SLC66A2: variants seen among roughly 807,000 people sequenced by gnomAD.
SLC66A2 encodes the protein solute carrier family 66 member 2.
A neutral mutation model predicts 25.5 loss-of-function variants in SLC66A2; 23 were observed. The ratio of observed to expected loss-of-function variants is 0.90; its 90% CI spans 0.65 to 1.28. The LOEUF is 1.28. SLC66A2 is among the 50% of genes most tolerant of loss of function. The pLI, the probability that SLC66A2 is intolerant of heterozygous loss-of-function variation, is 0.00. For synonymous variants in SLC66A2, 193 were observed against 166.5 expected (o/e 1.16, Z -1.23); for missense variants, 396 against 373.1 (o/e 1.06, Z -0.51).
rs1407176103 is a variant in SLC66A2, at chr18:79,904,411, G to A, written c.609-228C>T. ...GACCCAGGGGTCAGGGACACCCCAG[G>A]GGGCCAAAGGACACACCCTGACCCC... On this transcript the variant is annotated intron_variant, in intron 5 of 5. Coordinates refer to ENST00000397778, the MANE Select transcript of SLC66A2 (RefSeq NM_025078.5). The surrounding 1 kb of genome is among the most constrained non-coding windows in gnomAD (Gnocchi z 6.3). Among the ~76,000 whole-genome samples the A allele has an allele frequency of 1.3e-5, 2 of 151,960 alleles. No homozygotes were observed. Among genetic ancestry groups the A allele is most frequent in the Non-Finnish European group, 2.9e-5 (2 of 67,920 alleles).
intron 5 of SLC66A2, among the ~76,000 whole-genome samples, chr18:79,905,589 C>T (rs1039425365): frequency 7.9e-5 from 12 of 152,276 alleles, no homozygotes; most frequent in Admixed American, 1.3e-4. Flanking sequence ...AGCAGGCGCC[C>T]GAGCATTGCG....
chr18:79,936,328 C>G (rs1265965811), intron 3 of SLC66A2, among the ~76,000 whole-genome samples: 1 of 152,184 alleles, frequency 6.6e-6, no homozygotes, highest in Non-Finnish European at 1.5e-5. Flanking sequence ...TCTCAATAAA[C>G]CCCTGAAAAT....
At position 79,918,429 on chromosome 18, in the gene SLC66A2, GTCCCCAGTGAGGAGCGGGCACCGGGGA is replaced by G. The variant is rs1332394997; in HGVS notation, c.608+728_608+754del. Among the ~76,000 whole-genome samples, 3 of 147,866 alleles carry G rather than the reference GTCCCCAGTGAGGAGCGGGCACCGGGGA, an allele frequency of 2.0e-5. No individual in the cohort carries two copies. The highest frequency in any genetic ancestry group is 3.0e-5 in the Non-Finnish European group (2 of 66,292). ...CAGTGAGGAGCGGGCCCGGGGGGGG[GTCCCCAGTGAGGAGCGGGCACCGGGGA>G]GGGTCCCCAGTGAGGAGCGGCACCG... On this transcript the variant is annotated intron_variant, in intron 5 of 5. Transcript: ENST00000397778. This position sits in a 1 kb window ranked among gnomAD's most constrained non-coding sequence, Gnocchi z 4.0.
At chr18:79,930,293 G>C (rs1208176849) in intron 4 of SLC66A2, 1 of 151,668 alleles carries the variant, frequency 6.6e-6, no homozygotes, top group East Asian at 1.9e-4. Flanking sequence ...GAGGGCAGTG[G>C]AATAACATAT....
Position 79,919,330 on chromosome 18 carries a change from C to T in SLC66A2, c.462G>A (p.Thr154=), listed in dbSNP as rs372250799. Residue 154 remains threonine (T), a synonymous_variant, in exon 5 of 6, where the codon ACG becomes ACA. Transcript: ENST00000397778. ...GGTAGGTGATGTAGCCCGCCACGCC[C>T]GTGAAGGCCAGGACGCACTGCACGT... is the stretch of plus-strand genomic sequence containing the variant. ...SDYVQCVLAF[T]GVAGYITYLS... 3.6e-5 allele frequency: 58 copies of T among 1,613,268 alleles called. No homozygotes were observed. Among genetic ancestry groups the T allele is most frequent in the African/African-American group, 2.7e-4 (20 of 75,060 alleles).
chr18:79,943,671 G>C, intron 2 of SLC66A2: 1 of 551,410 alleles, frequency 1.8e-6, no homozygotes, highest in Non-Finnish European at 3.2e-6. Flanking sequence ...ACCTGGGTCA[G>C]GAGGGAGGCC....
rs12605847 is a variant in SLC66A2, at chr18:79,942,098, T to C, written c.337+1231A>G. Among the ~76,000 whole-genome samples the C allele has an allele frequency of 1.0e-2, 1,517 of 152,198 alleles. 98 individuals carry two copies. In the East Asian group the frequency reaches 0.16, roughly 16 times the overall value. On this transcript the variant is annotated intron_variant, in intron 3 of 5. Coordinates refer to ENST00000397778, the MANE Select transcript of SLC66A2 (RefSeq NM_025078.5). ...CAAGACCGAGTCACCTAAGCAGAAATGTAAAACCGCAGCTCCTCATGCGGG... is the reference window on the plus strand; with the variant it reads ...CAAGACCGAGTCACCTAAGCAGAAACGTAAAACCGCAGCTCCTCATGCGGG...
At position 79,904,327 on chromosome 18, in the gene SLC66A2, G is replaced by A; in HGVS notation, c.609-144C>T. 1.4e-6 allele frequency: 1 copy of A among 723,474 alleles called. No individual in the cohort carries two copies. Among genetic ancestry groups the A allele is most frequent in the Non-Finnish European group, 2.4e-6 (1 of 419,204 alleles). 44.8% of individuals were successfully genotyped at this position (723,474 alleles called of 1,614,324 possible). Reference sequence around the variant, plus strand: ...TAAGGGGACCCCCAGGCAGTCGGCGGGGAGGCCTGGGGCTCAGGGGGCACC... The same window carrying A: ...TAAGGGGACCCCCAGGCAGTCGGCGAGGAGGCCTGGGGCTCAGGGGGCACC... On this transcript the variant is annotated intron_variant, in intron 5 of 5. Transcript: ENST00000397778. The surrounding 1 kb of genome is among the most constrained non-coding windows in gnomAD (Gnocchi z 6.3).
At chr18:79,908,141 T>C (rs1982406623) in intron 5 of SLC66A2, among the ~76,000 whole-genome samples, 1 of 152,128 alleles carries the variant, frequency 6.6e-6, no homozygotes, top group South Asian at 2.1e-4. Context: ...ATATATTATA[T>C]TTACCCAGAT....
intron 5 of SLC66A2, among the ~76,000 whole-genome samples, chr18:79,909,643 TC>T (rs1982668473): frequency 8.4e-5 from 4 of 47,628 alleles, no homozygotes; most frequent in Non-Finnish European, 1.6e-4. Context: ...CTTCCCCACA[TC>T]CTCACCATAG....
chr18:79,940,585 T>G lies in SLC66A2; in HGVS notation c.337+2744A>C, dbSNP rs1446832779. On this transcript the variant is annotated intron_variant, in intron 3 of 5. Transcript: ENST00000397778. This position sits in a 1 kb window ranked among gnomAD's most constrained non-coding sequence, Gnocchi z 4.1. ...ACAAGGCTGGCCACCTTGCTTGGCA[T>G]GGGGCTGTGCTGCAGGAGCTACCGA... Among the ~76,000 whole-genome samples, 5 of 151,868 alleles carry G rather than the reference T, an allele frequency of 3.3e-5. No homozygotes were observed.
chr18:79,910,636 A>C (rs1240781601), intron 5 of SLC66A2, among the ~76,000 whole-genome samples: 2 of 152,258 alleles, frequency 1.3e-5, no homozygotes. Context: ...ATTCTAAAAG[A>C]GACCATATGA....
Position 79,917,525 on chromosome 18 carries a change from AG to A in SLC66A2, c.608+1658del, listed in dbSNP as rs1984351111. On this transcript the variant is annotated intron_variant, in intron 5 of 5. Transcript: ENST00000397778. This position sits in a 1 kb window ranked among gnomAD's most constrained non-coding sequence, Gnocchi z 6.0. Reference sequence around the variant, plus strand: ...AGCTCGGCACGCGGGCACTGCCCACAGGATCTCCAGCTGTGGGGTGGCTGGG... The same window carrying A: ...AGCTCGGCACGCGGGCACTGCCCACAGATCTCCAGCTGTGGGGTGGCTGGG... Among the ~76,000 whole-genome samples the A allele has an allele frequency of 6.6e-6, 1 of 152,134 alleles. No individual in the cohort carries two copies. Among genetic ancestry groups the A allele is most frequent in the African/African-American group, 2.4e-5 (1 of 41,432 alleles).
intron 5 of SLC66A2, among the ~76,000 whole-genome samples, chr18:79,912,127 A>AGGTAGT (rs1983298090): frequency 1.5e-5 from 1 of 64,848 alleles, no homozygotes; most frequent in Non-Finnish European, 3.0e-5. Flanking sequence ...GGGAGCAGGG[A>AGGTAGT]GGGAGTGGGA....
At chr18:79,935,393 TGA>T (rs1434256471) in intron 3 of SLC66A2, 1 of 152,300 alleles carries the variant, frequency 6.6e-6, no homozygotes, top group South Asian at 2.1e-4. Context: ...GTTCTGATGC[TGA>T]GAGAGCTGCC....
chr18:79,939,433 T>G (rs898939567), intron 3 of SLC66A2, among the ~76,000 whole-genome samples: 1 of 152,094 alleles, frequency 6.6e-6, no homozygotes, highest in Non-Finnish European at 1.5e-5. Context: ...AAAGAAACTA[T>G]CAACAGAGCA....
At chr18:79,948,271 A>G (rs1017551467) in intron 2 of SLC66A2, among the ~76,000 whole-genome samples, 4 of 152,242 alleles carry the variant, frequency 2.6e-5, no homozygotes, top group Non-Finnish European at 4.4e-5. Flanking sequence ...CAGTTAGGTC[A>G]TGAGGCAATG....
Position 79,904,259 on chromosome 18 carries a change from TTAGA to T in SLC66A2, c.609-80_609-77del. Reference sequence around the variant, plus strand: ...CTCAGTCAGTGGGGAGGCCTGGGGCTTAGACAGCGGGGAGACCTGGGGCTCAGGG... The same window carrying T: ...CTCAGTCAGTGGGGAGGCCTGGGGCTCAGCGGGGAGACCTGGGGCTCAGGG... On this transcript the variant is annotated intron_variant, in intron 5 of 5. Transcript: ENST00000397778. The surrounding 1 kb of genome is among the most constrained non-coding windows in gnomAD (Gnocchi z 6.3). 2 of 1,356,104 alleles carry T rather than the reference TTAGA, an allele frequency of 1.5e-6. No individual in the cohort carries two copies. The highest frequency in any genetic ancestry group is 1.0e-6 in the Non-Finnish European group (1 of 957,584). The allele number at this position is 1,356,104 out of a possible 1,614,324, so 84.0% of individuals were successfully genotyped here. A position where few individuals can be genotyped will look rare whatever the true frequency, so the allele number is the denominator to read the frequency against.
In SLC66A2 at chr18:79,933,082, T is replaced by A. The variant is rs868380069; in HGVS notation, c.391+887A>T. On this transcript the variant is annotated intron_variant, in intron 4 of 5. Coordinates refer to ENST00000397778, the MANE Select transcript of SLC66A2 (RefSeq NM_025078.5). ...CTAGCAAATAAAATCCAGCAACAGA[T>A]AAAAAGTGTTAGACACCATGACCAC... Among the ~76,000 whole-genome samples, 105 of 152,020 alleles carry A rather than the reference T, an allele frequency of 6.9e-4. 1 individual carries two copies. Among genetic ancestry groups the A allele is most frequent in the African/African-American group, 2.5e-3 (103 of 41,378 alleles).
Sources: allele counts gnomAD v4.1 joint callset (sites outside exome capture counted in the v4.1 genomes callset), GRCh38; gene constraint gnomAD v4.1.1; non-coding constraint Gnocchi (gnomAD v3.1); transcripts MANE v1.5; gene names NCBI Gene and HGNC (gene_info 2026-07-23, HGNC 2026-07-21).